CYP3A4: variants seen among roughly 807,000 people sequenced by gnomAD.
CYP3A4 encodes cytochrome P450 family 3 subfamily A member 4.
CYP3A4 carries 41 observed loss-of-function variants against 54.9 expected under a neutral mutation model. The ratio of observed to expected loss-of-function variants is 0.75; its 90% confidence interval spans 0.58 to 0.97. The LOEUF (loss-of-function observed/expected upper bound fraction) is 0.97, where lower values mean the gene tolerates loss of function less well. CYP3A4 is among the 50% of genes least tolerant of loss of function. The pLI is 0.00. For missense variants in CYP3A4, 510 were observed against 597.3 expected, an observed-to-expected ratio of 0.85 and a Z score of 1.52; for synonymous variants, 179 against 205.2, an observed-to-expected ratio of 0.87 and a Z score of 1.09.
At chr7:99,783,895 C>T (rs1363631210) in intron 1 of CYP3A4, 116 bp downstream of exon 1, 1 of 1,237,294 alleles carries the variant, frequency 8.1e-7, no homozygotes, top group African/African-American at 1.5e-5. Context: ...AGGTGTAAGC[C>T]ACCACGCCCG....
chr7:99,779,605 C>T (rs985200124), intron 2 of CYP3A4, among the ~76,000 whole-genome samples: 1 of 152,222 alleles, frequency 6.6e-6, no homozygotes, highest in African/African-American at 2.4e-5. Flanking sequence ...GTTTGACTCT[C>T]ATGTACACAG....
At chr7:99,781,679 T>C (rs373216669) in intron 1 of CYP3A4, among the ~76,000 whole-genome samples, 3 of 152,142 alleles carry the variant, frequency 2.0e-5, no homozygotes, top group South Asian at 4.2e-4. Flanking sequence ...AGAGGCAAAT[T>C]AGGAAAATGT....
intron 1 of CYP3A4, among the ~76,000 whole-genome samples, chr7:99,780,498 G>A (rs188640163): frequency 2.4e-4 from 36 of 152,154 alleles, no homozygotes; most frequent in African/African-American, 4.6e-4. Context: ...TTTGTCTTCC[G>A]CAGTGATGAT....
chr7:99,778,608 G>C (rs1220400370), intron 2 of CYP3A4, among the ~76,000 whole-genome samples: 2 of 152,184 alleles, frequency 1.3e-5, no homozygotes, highest in African/African-American at 4.8e-5. Flanking sequence ...GCATGTTGTT[G>C]AGTGAGAAAA....
At chr7:99,780,208 A>G in intron 1 of CYP3A4, 123 bp from the exon 2 acceptor site, 1 of 937,324 alleles carries the variant, frequency 1.1e-6, no homozygotes. Context: ...GCAAGAAATA[A>G]TAACAGTAAC....
In CYP3A4 at chr7:99,784,099, A is replaced by G. The variant is rs1218482134; in HGVS notation, c.-18T>C. 1 of 1,609,238 alleles carries G rather than the reference A, an allele frequency of 6.2e-7. No homozygotes were observed. Among genetic ancestry groups the G allele is most frequent in the South Asian group, 1.1e-5 (1 of 90,952 alleles). ...AGAGCCATCACTACTTTCCTTACTTATCTCTCTCCTCTGAGTCTTCCTTTC... is the reference window on the plus strand; with the variant it reads ...AGAGCCATCACTACTTTCCTTACTTGTCTCTCTCCTCTGAGTCTTCCTTTC... On this transcript the variant is annotated 5_prime_UTR_variant, in exon 1 of 13. Transcript: ENST00000651514.
intron 1 of CYP3A4, among the ~76,000 whole-genome samples, chr7:99,780,631 T>C (rs1420406232): frequency 6.6e-6 from 1 of 152,190 alleles, no homozygotes; most frequent in Non-Finnish European, 1.5e-5. Context: ...CTGACCCTGT[T>C]TTAGGATCTG....
At chr7:99,769,918 T>C in intron 5 of CYP3A4, 62 bp from the exon 6 acceptor site, 5 of 1,610,848 alleles carry the variant, frequency 3.1e-6, no homozygotes, top group Non-Finnish European at 4.2e-6. Context: ...CAGAAGGACA[T>C]GGCTTTCCCC....
At chr7:99,767,759 G>A (rs1186226459) in intron 7 of CYP3A4, among the ~76,000 whole-genome samples, 2 of 152,142 alleles carry the variant, frequency 1.3e-5, no homozygotes, top group African/African-American at 2.4e-5. Flanking sequence ...AGTAACCAAT[G>A]AGTCAAAGTA....
intron 11 of CYP3A4, 98 bp from the exon 12 acceptor site, chr7:99,761,079 T>C (rs370999549): frequency 6.4e-5 from 87 of 1,349,236 alleles, no homozygotes; most frequent in Middle Eastern, 1.9e-4. Flanking sequence ...CCTCAACTAG[T>C]AGTACACAGG....
chr7:99,764,276 A>G (rs1160686320), intron 9 of CYP3A4, among the ~76,000 whole-genome samples: 1 of 152,092 alleles, frequency 6.6e-6, no homozygotes, highest in Non-Finnish European at 1.5e-5. Context: ...CGCCACCTGC[A>G]CAGCTGTGTA....
At chr7:99,771,523 A>C (rs551832930) in intron 4 of CYP3A4, among the ~76,000 whole-genome samples, 171 of 152,358 alleles carry the variant, frequency 1.1e-3, no homozygotes, top group African/African-American at 3.5e-3. Context: ...AACAGTAAAG[A>C]TACACATTTT....
chr7:99,769,373 C>G (rs1815568769), intron 6 of CYP3A4, among the ~76,000 whole-genome samples: 4 of 152,156 alleles, frequency 2.6e-5, no homozygotes, highest in Admixed American at 2.6e-4. Context: ...ATTCTAAGTT[C>G]TCCATTATAA....
At chr7:99,765,049 G>A (rs1314498144) in intron 9 of CYP3A4, among the ~76,000 whole-genome samples, 1 of 152,032 alleles carries the variant, frequency 6.6e-6, no homozygotes, top group Non-Finnish European at 1.5e-5. Context: ...GGTCGACAGA[G>A]CTGTGATTTA....
intron 6 of CYP3A4, among the ~76,000 whole-genome samples, chr7:99,768,935 C>T (rs1282581673): frequency 6.6e-6 from 1 of 152,194 alleles, no homozygotes; most frequent in Non-Finnish European, 1.5e-5. Context: ...GATTCCTCTT[C>T]AGCACTTTAC....
At position 99,769,873 on chromosome 7, in the gene CYP3A4, A is replaced by G. The variant is rs68106838; in HGVS notation, c.433-17T>C. ...AGGGACCATCTAAGCACAAAACACAACACCACCCATAGTTAAATGTGCAGA... is the reference window on the plus strand; with the variant it reads ...AGGGACCATCTAAGCACAAAACACAGCACCACCCATAGTTAAATGTGCAGA... On this transcript the variant is annotated splice_polypyrimidine_tract_variant and intron_variant, in intron 5 of 12. Coordinates refer to ENST00000651514, the MANE Select transcript of CYP3A4 (RefSeq NM_017460.6). 6.2e-7 allele frequency: 1 copy of G among 1,613,544 alleles called. No homozygotes were observed. Among genetic ancestry groups the G allele is most frequent in the African/African-American group, 1.3e-5 (1 of 74,956 alleles).
At chr7:99,770,268 A>G (rs568641557) in intron 4 of CYP3A4, 33 bp from the exon 5 acceptor site, 1 of 1,568,018 alleles carries the variant, frequency 6.4e-7, no homozygotes, top group East Asian at 2.2e-5. Flanking sequence ...TTTGTCCTAC[A>G]TCAGTTGTGG....
chr7:99,758,205 TC>T lies in CYP3A4; in HGVS notation c.1439del (p.Gly480GlufsTer12). 6.2e-7 allele frequency: 1 copy of T among 1,613,938 alleles called. No homozygotes were observed. The highest frequency in any genetic ancestry group is 8.5e-7 in the Non-Finnish European group (1 of 1,179,880). ...CGGGTTTTTCTGGTTGAAGAAGTCC[TC>T]CTAAGCTTAATTTCAGGGGGATCTG... The part of the protein sequence containing the change: ...ETQIPLKLSL[G>X]GLLQPEKPVV... On this transcript the variant is annotated frameshift_variant, in exon 13 of 13. Transcript: ENST00000651514. LOFTEE classifies it low-confidence loss of function (END_TRUNC).
In CYP3A4 at chr7:99,760,976, C is replaced by A. The variant is rs775419254; in HGVS notation, c.1259G>T (p.Ser420Ile). The A allele has an allele frequency of 6.2e-7, 1 of 1,613,050 alleles. No homozygotes were observed. Among genetic ancestry groups the A allele is most frequent in the Non-Finnish European group, 8.5e-7 (1 of 1,179,622 alleles). ...EPEKFLPERF[S>I]KKNKDNIDPY... ...ATCTATGTTGTCCTTGTTCTTCTTG[C>A]TGAATCTGGTTCCACGTTGGTAGAT... is the stretch of plus-strand genomic sequence containing the variant. The change falls in exon 12 of 13, where the codon AGC becomes ATC. Residue 420 changes from serine (S) to isoleucine (I), a missense_variant. Ser to Ile is a moderately radical substitution (Grantham distance 142, BLOSUM62 -2). Around this residue, in one of 2 missense-constraint regions of CYP3A4, gnomAD observed 238 missense variants for 322.5 expected, o/e 0.74. Coordinates refer to ENST00000651514, the MANE Select transcript of CYP3A4 (RefSeq NM_017460.6).
Sources: gnomAD v4.1 joint callset for allele counts (sites outside exome capture counted in the v4.1 genomes callset) on GRCh38, gnomAD v4.1.1 for gene constraint, gnomAD v4.1.1 regional missense constraint, MANE v1.5 for transcripts, NCBI Gene and HGNC (gene_info 2026-07-23, HGNC 2026-07-21) for gene names.